BPTF: variants seen among roughly 807,000 people sequenced by gnomAD.
The protein encoded by BPTF is nucleosome-remodeling factor subunit BPTF.
Under a neutral mutation model 292.5 loss-of-function variants are expected in BPTF, and 18 were observed. The ratio of observed to expected loss-of-function variants is 0.06; its 90% CI spans 0.04 to 0.09. The LOEUF (loss-of-function observed/expected upper bound fraction) is 0.09. Ranked by LOEUF, BPTF falls within the 10% of genes least tolerant of loss-of-function variation. The pLI is 1.00. For missense variants in BPTF, 2,726 were observed against 3,498.7 expected (o/e 0.78, Z 5.57); for synonymous variants, 1,225 against 1,251.9 (o/e 0.98, Z 0.45).
intron 4 of BPTF, among the ~76,000 whole-genome samples, chr17:67,889,685 G>A (rs1444170773): frequency 6.6e-6 from 1 of 152,188 alleles, no homozygotes; most frequent in South Asian, 2.1e-4. Context: ...GCGGGCGCCT[G>A]TAATCCCAGC....
intron 2 of BPTF, among the ~76,000 whole-genome samples, chr17:67,862,938 A>G (rs1159003939): frequency 1.3e-5 from 2 of 151,636 alleles, no homozygotes; most frequent in Non-Finnish European, 2.9e-5. Flanking sequence ...TCTATCAAGC[A>G]CCTAACAGTT....
At chr17:67,894,554 T>C (rs776622837) in intron 7 of BPTF, among the ~76,000 whole-genome samples, 22 of 152,188 alleles carry the variant, frequency 1.4e-4, no homozygotes, top group Non-Finnish European at 2.8e-4. Context: ...GGTCTTGAAC[T>C]CCTGACCTTG....
At position 67,854,761 on chromosome 17, in the gene BPTF, A is replaced by G. The variant is rs563012201; in HGVS notation, c.1435A>G (p.Ile479Val). Residue 479 changes from isoleucine to valine, a missense_variant and splice_region_variant, in exon 2 of 28, where the codon ATA (isoleucine) becomes GTA (valine). By Grantham distance (29) the Ile-to-Val change is conservative (BLOSUM62 3). Transcript: ENST00000306378. The surrounding 1 kb of genome is among the most constrained non-coding windows in gnomAD (Gnocchi z 5.6). ...KYWFLNRRLI[I>V]EEDTENENEK... ...CTGGTTCTTGAACCGAAGACTCATA[A>G]TGTAAGTAAATCTGGTCTTAATTTT... 1.2e-6 allele frequency: 2 copies of G among 1,603,710 alleles called. No homozygotes were observed. Among genetic ancestry groups the G allele is most frequent in the East Asian group, 4.5e-5 (2 of 44,794 alleles).
chr17:67,944,162 G>A lies in BPTF; in HGVS notation c.6490G>A (p.Gly2164Ser), dbSNP rs2065619531. The change falls in exon 20 of 28, where the codon GGT becomes AGT. Residue 2164 changes from glycine to serine, a missense_variant. Transcript: ENST00000306378. ...QLTQGHGGNQGLTVVIQGQGQ... is the reference protein window; with the variant it reads ...QLTQGHGGNQSLTVVIQGQGQ... ...GTTTTTTCCACAGGGTGGCAATCAA[G>A]GTTTGACAGTAGTAATTCAAGGACA... is the stretch of plus-strand genomic sequence containing the variant. 2 of 1,614,104 alleles carry A rather than the reference G, an allele frequency of 1.2e-6. No individual in the cohort carries two copies. The highest frequency in any genetic ancestry group is 2.2e-5 in the East Asian group (1 of 44,892).
chr17:67,871,096 ACT>A (rs752790565), intron 3 of BPTF, among the ~76,000 whole-genome samples: 10 of 151,472 alleles, frequency 6.6e-5, no homozygotes, highest in Non-Finnish European at 1.5e-4. Context: ...CTAATGTATA[ACT>A]CTCTGGTTTT....
chr17:67,881,877 T>TC (rs2060446177), intron 4 of BPTF, among the ~76,000 whole-genome samples: 1 of 133,084 alleles, frequency 7.5e-6, no homozygotes, highest in African/African-American at 3.4e-5. Context: ...TTTTTTTTTT[T>TC]TTTTTTTGAG....
chr17:67,877,403 ACTAC>A (rs1455401753), intron 4 of BPTF, among the ~76,000 whole-genome samples: 1 of 152,230 alleles, frequency 6.6e-6, no homozygotes, highest in Non-Finnish European at 1.5e-5. Context: ...ACCACTGTTT[ACTAC>A]CTATGGTCAG....
intron 7 of BPTF, among the ~76,000 whole-genome samples, chr17:67,895,649 C>T (rs948807355): frequency 6.6e-6 from 1 of 151,798 alleles, no homozygotes; most frequent in African/African-American, 2.4e-5. Flanking sequence ...TTTTTATAGA[C>T]ACGGGGTCTC....
At chr17:67,928,971 C>T (rs2064139726) in intron 16 of BPTF, 1 of 1,168,086 alleles carries the variant, frequency 8.6e-7, no homozygotes, top group East Asian at 4.9e-5. Context: ...ACCAGCACAG[C>T]TGCCACATCT....
At chr17:67,884,911 A>G (rs1643414717) in intron 4 of BPTF, among the ~76,000 whole-genome samples, 1 of 152,134 alleles carries the variant, frequency 6.6e-6, no homozygotes. Flanking sequence ...GATTTTTGCC[A>G]GTTGATAACT....
At chr17:67,923,028 A>T in intron 14 of BPTF, 38 bp downstream of exon 14, 2 of 1,553,058 alleles carry the variant, frequency 1.3e-6, no homozygotes, top group South Asian at 1.2e-5. Flanking sequence ...CTATTTGAAG[A>T]TTTTATCACT....
intron 1 of BPTF, among the ~76,000 whole-genome samples, chr17:67,826,636 C>T (rs2056088474): frequency 6.7e-6 from 1 of 148,610 alleles, no homozygotes; most frequent in Non-Finnish European, 1.5e-5. Flanking sequence ...GCAGTGTCTC[C>T]ACCGGGCAGG....
chr17:67,922,752 C>T, intron 13 of BPTF, 88 bp from the exon 14 acceptor site: 1 of 1,434,320 alleles, frequency 7.0e-7, no homozygotes, highest in Non-Finnish European at 9.3e-7. Context: ...AAGAAGTTTG[C>T]CAACCACTTT....
Position 67,864,193 on chromosome 17 carries a change from T to G in BPTF, c.1437-2271T>G, listed in dbSNP as rs538430781. Reference sequence around the variant, plus strand: ...TACAATGAGGACAAATAATTTTGATTATATAAACTGTATATAGGCCAAGTA... The same window carrying G: ...TACAATGAGGACAAATAATTTTGATGATATAAACTGTATATAGGCCAAGTA... On this transcript the variant is annotated intron_variant, in intron 2 of 27. Transcript: ENST00000306378. Among the ~76,000 whole-genome samples, 12 of 152,270 alleles carry G rather than the reference T, an allele frequency of 7.9e-5. No homozygotes were observed. The South Asian group carries it at 2.3e-3, about 29-fold the overall frequency.
intron 1 of BPTF, among the ~76,000 whole-genome samples, chr17:67,829,184 T>G (rs1395970372): frequency 6.6e-6 from 1 of 151,736 alleles, no homozygotes; most frequent in Non-Finnish European, 1.5e-5. Flanking sequence ...TTTTTTTCTG[T>G]GAACGTTTTT....
chr17:67,895,295 T>C (rs1442293744), intron 7 of BPTF, among the ~76,000 whole-genome samples: 1 of 124,702 alleles, frequency 8.0e-6, no homozygotes, highest in Non-Finnish European at 1.6e-5. Context: ...ATTGCACCAC[T>C]GCACTCCAGC....
chr17:67,969,674 G>GT (rs1258210954), intron 26 of BPTF, among the ~76,000 whole-genome samples: 15 of 151,340 alleles, frequency 9.9e-5, no homozygotes, highest in South Asian at 4.2e-4. Flanking sequence ...GTTTGTTTTT[G>GT]TTTTTTTTAA....
intron 21 of BPTF, among the ~76,000 whole-genome samples, chr17:67,946,748 G>A (rs530556024): frequency 3.3e-5 from 5 of 152,276 alleles, no homozygotes; most frequent in East Asian, 3.9e-4. Context: ...TGCATTTCTA[G>A]CCACACCTTT....
rs1269284585 is a variant in BPTF, at chr17:67,874,832, C to T, written c.1676C>T (p.Ser559Phe). The stretch of plus-strand genomic sequence containing the variant: ...CACATTATAGAAGAAATTTTGGAAT[C>T]CATAAGAGCCAAAAAGGGAGACATT... Reference protein sequence around the residue: ...LAAANEEILESIRAKKGDIDN... With the variant: ...LAAANEEILEFIRAKKGDIDN... Residue 559 changes from serine to phenylalanine, a missense_variant, in exon 4 of 28, where the codon TCC becomes TTC. Coordinates refer to ENST00000306378, the MANE Select transcript of BPTF (RefSeq NM_182641.4). 6.2e-7 allele frequency: 1 copy of T among 1,610,596 alleles called. No individual in the cohort carries two copies. The highest frequency in any genetic ancestry group is 2.2e-5 in the East Asian group (1 of 44,782).
Sources: allele counts gnomAD v4.1 joint callset (sites outside exome capture counted in the v4.1 genomes callset), GRCh38; gene constraint gnomAD v4.1.1; non-coding constraint Gnocchi (gnomAD v3.1); transcripts MANE v1.5; gene names NCBI Gene and HGNC (gene_info 2026-07-23, HGNC 2026-07-21).